Variants in GUF1 observed in about 807,000 individuals in gnomAD.
GUF1 encodes translation factor GUF1, mitochondrial.
In GUF1, 78 loss-of-function variants were observed where a neutral mutation model predicts 82.4. The observed-to-expected ratio is 0.95, with a 90% CI of 0.79 to 1.14. The LOEUF (loss-of-function observed/expected upper bound fraction) is 1.14, where lower values mean the gene tolerates loss of function less well. Among genes scored for constraint, GUF1 ranks in the 50% most tolerant of loss-of-function variants. The pLI is 0.00. For missense variants in GUF1, 814 were observed against 798.2 expected (o/e 1.02, Z -0.24); for synonymous variants, 279 against 282.3 (o/e 0.99, Z 0.12).
At chr4:44,682,252 T>C (rs1333559808) in intron 4 of GUF1, 82 bp from the exon 5 acceptor site, 10 of 619,136 alleles carry the variant, frequency 1.6e-5, no homozygotes, top group Non-Finnish European at 2.7e-5. Context: ...TTGATGAAGA[T>C]GTATAGAATG....
At chr4:44,685,127 T>C (rs563244403) in intron 6 of GUF1, among the ~76,000 whole-genome samples, 74 of 152,142 alleles carry the variant, frequency 4.9e-4, no homozygotes, top group Non-Finnish European at 9.3e-4. Context: ...GTATATTCAA[T>C]AGTTACAAGT....
chr4:44,683,625 G>A (rs2109637612), intron 6 of GUF1, among the ~76,000 whole-genome samples: 1 of 152,176 alleles, frequency 6.6e-6, no homozygotes, highest in South Asian at 2.1e-4. Flanking sequence ...ACTCCCTGCA[G>A]TATTTCTTGT....
intron 14 of GUF1, 100 bp from the exon 15 acceptor site, chr4:44,695,515 C>T: frequency 3.2e-6 from 3 of 924,516 alleles, no homozygotes; most frequent in Non-Finnish European, 4.8e-6. Flanking sequence ...TTTGAACCTC[C>T]TTAAGAGATC....
intron 6 of GUF1, among the ~76,000 whole-genome samples, chr4:44,684,762 TAAAG>T (rs549783389): frequency 2.9e-4 from 44 of 152,238 alleles, no homozygotes; most frequent in African/African-American, 8.7e-4. Flanking sequence ...TTAAAATTAA[TAAAG>T]AACCTTAATT....
chr4:44,687,865 A>G (rs1458844416), intron 8 of GUF1, 142 bp from the exon 9 acceptor site: 1 of 637,976 alleles, frequency 1.6e-6, no homozygotes, highest in Non-Finnish European at 2.6e-6. Context: ...AGAGTTTGAT[A>G]ATTGATATGT....
At position 44,680,668 on chromosome 4, in the gene GUF1, A is replaced by G. The variant is rs1022321918; in HGVS notation, c.278-26A>G. ...TCTTTTTTTTTTAAAGCCCAGAGAA[A>G]TATCAATAAGTGTTTCTGTTTATAG... On this transcript the variant is annotated intron_variant, in intron 2 of 16. Transcript: ENST00000281543. The G allele has an allele frequency of 4.0e-6, 6 of 1,507,854 alleles. No individual in the cohort carries two copies. The African/African-American group carries it at 5.6e-5, about 14-fold the overall frequency. 93.4% of individuals were successfully genotyped at this position (1,507,854 alleles called of 1,614,324 possible).
chr4:44,694,360 GGTA>G, intron 13 of GUF1, 49 bp from the exon 14 acceptor site: 1 of 1,031,744 alleles, frequency 9.7e-7, no homozygotes, highest in South Asian at 1.3e-5. Context: ...GAGTAATAAA[GGTA>G]ATCTCTCAGG....
chr4:44,686,994 T>TA (rs1237278893), intron 8 of GUF1, among the ~76,000 whole-genome samples: 7 of 151,948 alleles, frequency 4.6e-5, no homozygotes, highest in Non-Finnish European at 8.8e-5. Flanking sequence ...ATGAAAGAGT[T>TA]AGTTCCCTCC....
chr4:44,680,951 TTTTTG>T, intron 3 of GUF1, 109 bp downstream of exon 3: 1 of 1,171,372 alleles, frequency 8.5e-7, no homozygotes, highest in Non-Finnish European at 1.2e-6. Flanking sequence ...CTGCCTTTGC[TTTTTG>T]TTTTCTCAGT....
At chr4:44,686,083 TG>T (rs1238886014) in intron 7 of GUF1, 60 bp downstream of exon 7, 2 of 1,111,556 alleles carry the variant, frequency 1.8e-6, no homozygotes, top group African/African-American at 3.1e-5. Context: ...AAACTGTCCA[TG>T]TTTAATAGTT....
At chr4:44,687,223 A>G (rs1715110130) in intron 8 of GUF1, among the ~76,000 whole-genome samples, 2 of 151,962 alleles carry the variant, frequency 1.3e-5, no homozygotes, top group African/African-American at 4.8e-5. Flanking sequence ...CCTACTCCGT[A>G]TCAGGTACTG....
chr4:44,686,129 A>T (rs1715035990), intron 7 of GUF1, 106 bp downstream of exon 7: 2 of 777,942 alleles, frequency 2.6e-6, no homozygotes, highest in East Asian at 5.0e-5. Context: ...ATTTTAGCTT[A>T]ATGGATGTGG....
intron 1 of GUF1, among the ~76,000 whole-genome samples, chr4:44,680,183 T>G (rs532150895): frequency 9.9e-5 from 15 of 152,284 alleles, no homozygotes; most frequent in African/African-American, 3.4e-4. Context: ...ATAAATTCAG[T>G]TCCTGATTGG....
Position 44,699,570 on chromosome 4 carries a change from C to T in GUF1, c.*889C>T, listed in dbSNP as rs1716087808. The T allele has an allele frequency of 1.3e-5, 2 of 152,160 alleles. 1 individual carries two copies. Among genetic ancestry groups the T allele is most frequent in the South Asian group, 4.1e-4 (2 of 4,830 alleles). The allele number at this position is 152,160 out of a possible 1,614,324, so 9.4% of individuals were successfully genotyped here. A position where few individuals can be genotyped will look rare whatever the true frequency, so the allele number is the denominator to read the frequency against. Reference sequence around the variant, plus strand: ...TGCATGCAGTTTTTCTTTACGGACACTAAAAGGCCCCATACTTAAGATTCC... The same window carrying T: ...TGCATGCAGTTTTTCTTTACGGACATTAAAAGGCCCCATACTTAAGATTCC... On this transcript the variant is annotated 3_prime_UTR_variant, in exon 17 of 17. Coordinates refer to ENST00000281543, the MANE Select transcript of GUF1 (RefSeq NM_021927.3).
At chr4:44,693,631 A>G (rs983971737) in intron 13 of GUF1, among the ~76,000 whole-genome samples, 4 of 152,108 alleles carry the variant, frequency 2.6e-5, no homozygotes, top group Admixed American at 6.5e-5. Context: ...CCAGGCACCA[A>G]TTGTTTTAAA....
At position 44,678,659 on chromosome 4, in the gene GUF1, C is replaced by T. The variant is rs1173800285; in HGVS notation, c.37C>T (p.Arg13Cys). The change falls in exon 1 of 17, where the codon CGC becomes TGC. Residue 13 changes from arginine to cysteine, a missense_variant. By Grantham distance (180) the Arg-to-Cys change is radical. Transcript: ENST00000281543. Reference sequence around the variant, plus strand: ...CGTGGGTCGGGGCTGGGGGTGCGCACGCGCTCTCGCGCCACGAGCCACTGG... The same window carrying T: ...CGTGGGTCGGGGCTGGGGGTGCGCATGCGCTCTCGCGCCACGAGCCACTGG... ...TLVGRGWGCA[R>C]ALAPRATGAA... 6.7e-6 allele frequency: 10 copies of T among 1,486,398 alleles called. No individual in the cohort carries two copies. The highest frequency in any genetic ancestry group is 7.9e-6 in the Non-Finnish European group (9 of 1,132,514). The allele number at this position is 1,486,398 out of a possible 1,614,324, so 92.1% of individuals were successfully genotyped here. A position where few individuals can be genotyped will look rare whatever the true frequency, so the allele number is the denominator to read the frequency against.
chr4:44,680,596 T>C (rs1445284523), intron 2 of GUF1, 44 bp downstream of exon 2: 2 of 1,464,434 alleles, frequency 1.4e-6, no homozygotes, highest in Admixed American at 2.1e-5. Flanking sequence ...CTGCGAGTTA[T>C]TGGGAATTAC....
rs879255631 is a variant in GUF1, at chr4:44,695,724, G to T, written c.1825G>T (p.Ala609Ser). 2 of 1,610,772 alleles carry T rather than the reference G, an allele frequency of 1.2e-6. No individual in the cohort carries two copies. Among genetic ancestry groups the T allele is most frequent in the Non-Finnish European group, 1.7e-6 (2 of 1,179,058 alleles). ...IQAAIGSKII[A>S]RETVKAYRKN... ...AGCTGCTATTGGAAGTAAAATCATT[G>T]CAAGAGAAACGTGAGTTGAAATTCA... Residue 609 changes from alanine to serine, a missense_variant, in exon 15 of 17, where the codon GCA (alanine) becomes TCA (serine). Coordinates refer to ENST00000281543, the MANE Select transcript of GUF1 (RefSeq NM_021927.3).
At chr4:44,695,504 A>G (rs532337452) in intron 14 of GUF1, 111 bp from the exon 15 acceptor site, 14 of 729,062 alleles carry the variant, frequency 1.9e-5, no homozygotes, top group Non-Finnish European at 2.9e-5. Flanking sequence ...AGTAAGTTCC[A>G]TTTGAACCTC....
Sources: allele counts gnomAD v4.1 joint callset (sites outside exome capture counted in the v4.1 genomes callset), GRCh38; gene constraint gnomAD v4.1.1; transcripts MANE v1.5; gene names NCBI Gene and HGNC (gene_info 2026-07-23, HGNC 2026-07-21).